Variants in OSBPL10 observed in about 807,000 individuals in gnomAD.
OSBPL10 encodes the protein oxysterol-binding protein-related protein 10.
Under a neutral mutation model 81.7 loss-of-function variants are expected in OSBPL10, and 49 were observed. The observed-to-expected ratio is 0.60, with a 90% CI of 0.48 to 0.76. OSBPL10 has a LOEUF of 0.76. Ranked by LOEUF, OSBPL10 falls within the 30% of genes least tolerant of loss-of-function variation. OSBPL10 has a pLI of 0.00. For missense variants in OSBPL10, 923 were observed against 987.8 expected (o/e 0.93, Z 0.88); for synonymous variants, 419 against 383.6 (o/e 1.09, Z -1.08).
chr3:32,070,099 G>A (rs935026676), intron 1 of OSBPL10, among the ~76,000 whole-genome samples: 4 of 152,176 alleles, frequency 2.6e-5, no homozygotes, highest in Non-Finnish European at 4.4e-5. Flanking sequence ...CACATTGGAA[G>A]CCCCCTGGAC....
intron 1 of OSBPL10, among the ~76,000 whole-genome samples, chr3:31,977,152 C>G (rs915370894): frequency 1.3e-5 from 2 of 152,070 alleles, no homozygotes; most frequent in African/African-American, 2.4e-5. Flanking sequence ...CTCCTGTGAT[C>G]CTCATCTCCA....
intron 6 of OSBPL10, among the ~76,000 whole-genome samples, chr3:31,706,212 T>C (rs1696058683): frequency 6.6e-6 from 1 of 152,184 alleles, no homozygotes. Flanking sequence ...GGCTGGGGTT[T>C]AGGGACATTC....
chr3:31,881,260 C>T (rs4346583), intron 1 of OSBPL10, among the ~76,000 whole-genome samples: 17,087 of 152,082 alleles, frequency 0.11, 1,099 homozygotes, highest in Admixed American at 0.19. Flanking sequence ...TAGTTCATTG[C>T]TACTCAGTTA....
rs67616509 is a variant in OSBPL10, at chr3:31,678,782, CTGTGTGTGTGTGTGTGTGTGTG to C, written c.1726+4830_1726+4851del. Among the ~76,000 whole-genome samples, 88 of 135,648 alleles carry C rather than the reference CTGTGTGTGTGTGTGTGTGTGTG, an allele frequency of 6.5e-4. 1 individual carries two copies. Among genetic ancestry groups the C allele is most frequent in the African/African-American group, 2.2e-3 (79 of 36,588 alleles). 89.0% of individuals were successfully genotyped at this position (135,648 alleles called of 152,430 possible). ...TACTCTGACTAATCACAGATTCAAA[CTGTGTGTGTGTGTGTGTGTGTG>C]TGTGTGTGTGTGTGTGTGTGTGTGT... On this transcript the variant is annotated intron_variant, in intron 8 of 11. Transcript: ENST00000396556.
At chr3:31,852,728 G>A (rs563628304) in intron 3 of OSBPL10, among the ~76,000 whole-genome samples, 6 of 152,128 alleles carry the variant, frequency 3.9e-5, no homozygotes, top group South Asian at 2.1e-4. Flanking sequence ...ACAGGCACAC[G>A]CCACCATGCC....
intron 4 of OSBPL10, among the ~76,000 whole-genome samples, chr3:31,752,801 T>G (rs1446911324): frequency 6.6e-6 from 1 of 152,214 alleles, no homozygotes; most frequent in Non-Finnish European, 1.5e-5. Context: ...CAGAGGCACC[T>G]GCAAAGTCCA....
chr3:31,824,336 T>A (rs1206566651), intron 4 of OSBPL10, among the ~76,000 whole-genome samples: 6 of 152,162 alleles, frequency 3.9e-5, no homozygotes, highest in Admixed American at 3.9e-4. Flanking sequence ...AGTACTGCCA[T>A]CAATTGTCTT....
chr3:31,943,786 T>C (rs903401559), intron 1 of OSBPL10, among the ~76,000 whole-genome samples: 3 of 151,436 alleles, frequency 2.0e-5, no homozygotes, highest in African/African-American at 7.3e-5. Flanking sequence ...GCCAATAGGG[T>C]GAAACCCCGT....
chr3:31,969,612 TCGGATTACTTGAGGC>T (rs1368747155), intron 1 of OSBPL10: 3 of 152,198 alleles, frequency 2.0e-5, no homozygotes, highest in Admixed American at 2.0e-4. Flanking sequence ...CGTAATGAGG[TCGGATTACTTGAGGC>T]CAGATTACTT....
intron 4 of OSBPL10, among the ~76,000 whole-genome samples, chr3:31,767,130 T>C (rs1429340026): frequency 6.6e-6 from 1 of 152,232 alleles, no homozygotes; most frequent in African/African-American, 2.4e-5. Flanking sequence ...TTCATTAACT[T>C]TGTGGAAATT....
In OSBPL10 at chr3:31,662,014, T is replaced by C. The variant is rs547990260; in HGVS notation, c.*58A>G. On this transcript the variant is annotated 3_prime_UTR_variant, in exon 12 of 12. Coordinates refer to ENST00000396556, the MANE Select transcript of OSBPL10 (RefSeq NM_017784.5). ...TGCCAACAAAACCCTGATACTCTACTACTTTAATATTCCTACAAAAACAGG... is the reference window on the plus strand; with the variant it reads ...TGCCAACAAAACCCTGATACTCTACCACTTTAATATTCCTACAAAAACAGG... The C allele has an allele frequency of 3.8e-6, 6 of 1,598,560 alleles. No homozygotes were observed. The South Asian group carries it at 4.5e-5, about 12-fold the overall frequency.
At chr3:31,817,223 T>C (rs1257880194) in intron 4 of OSBPL10, among the ~76,000 whole-genome samples, 1 of 152,156 alleles carries the variant, frequency 6.6e-6, no homozygotes, top group Non-Finnish European at 1.5e-5. Context: ...CTCCCTGGCC[T>C]AAAGATGGGG....
At chr3:31,809,829 T>C (rs1467763541) in intron 4 of OSBPL10, among the ~76,000 whole-genome samples, 2 of 148,614 alleles carry the variant, frequency 1.3e-5, no homozygotes, top group Admixed American at 6.7e-5. Context: ...ATTGGAAAAC[T>C]AGACCAGCCC....
intron 7 of OSBPL10, among the ~76,000 whole-genome samples, chr3:31,685,492 C>CA (rs1162277581): frequency 6.6e-6 from 1 of 152,200 alleles, no homozygotes; most frequent in Non-Finnish European, 1.5e-5. Context: ...ATAATCCACC[C>CA]ACTTAGCTGC....
At chr3:31,700,261 A>T (rs1038548797) in intron 7 of OSBPL10, 3 of 152,242 alleles carry the variant, frequency 2.0e-5, no homozygotes, top group African/African-American at 7.2e-5. Flanking sequence ...GAAATGCAAA[A>T]CAATCATATT....
At chr3:32,029,047 G>T (rs1357016837) in intron 2 of OSBPL10, among the ~76,000 whole-genome samples, 1 of 150,162 alleles carries the variant, frequency 6.7e-6, no homozygotes, top group African/African-American at 2.5e-5. Context: ...GCCCTGCTAC[G>T]GTAATAATTG....
chr3:31,762,476 T>TTTTTG (rs1698074004), intron 4 of OSBPL10, among the ~76,000 whole-genome samples: 1 of 151,966 alleles, frequency 6.6e-6, no homozygotes, highest in Admixed American at 6.6e-5. Context: ...GTTACTGTTT[T>TTTTTG]TTTTGTTTTG....
intron 4 of OSBPL10, among the ~76,000 whole-genome samples, chr3:31,813,875 T>C (rs539903391): frequency 6.6e-6 from 1 of 151,950 alleles, no homozygotes; most frequent in African/African-American, 2.4e-5. Flanking sequence ...TCCATAAGTA[T>C]GAGCTTTCTT....
At chr3:31,921,279 A>C (rs4532171) in intron 1 of OSBPL10, among the ~76,000 whole-genome samples, 113,971 of 152,042 alleles carry the variant, frequency 0.75, 42,944 homozygotes, top group East Asian at 0.96. Context: ...AAAAATGATA[A>C]CCCCATGGCA....
Sources: allele counts gnomAD v4.1 joint callset (sites outside exome capture counted in the v4.1 genomes callset), GRCh38; gene constraint gnomAD v4.1.1; transcripts MANE v1.5; gene names NCBI Gene and HGNC (gene_info 2026-07-23, HGNC 2026-07-21).